PAM: variants seen among roughly 807,000 people sequenced by gnomAD.
The protein encoded by PAM is peptidyl-glycine alpha-amidating monooxygenase.
In PAM, 72 loss-of-function variants were observed where a neutral mutation model predicts 122.1. The observed-to-expected ratio is 0.59, with a 90% CI of 0.49 to 0.72. The LOEUF is 0.72. Among genes scored for constraint, PAM ranks in the 30% least tolerant of loss-of-function variants. The pLI is 0.00. For missense variants in PAM, 1,106 were observed against 1,183.7 expected (o/e 0.93, Z 0.96); for synonymous variants, 389 against 404.4 (o/e 0.96, Z 0.46).
intron 1 of PAM, among the ~76,000 whole-genome samples, chr5:102,787,621 A>G (rs1760890088): frequency 7.5e-6 from 1 of 133,004 alleles, no homozygotes. Context: ...ACAAGACCCC[A>G]GTCAGCTTCA....
At chr5:102,855,719 A>G (rs1782458080) in intron 1 of PAM, among the ~76,000 whole-genome samples, 1 of 152,066 alleles carries the variant, frequency 6.6e-6, no homozygotes, top group African/African-American at 2.4e-5. Flanking sequence ...ATCAAACAGG[A>G]AAAAAAGTCA....
In PAM at chr5:102,974,236, A is replaced by G. The variant is rs1382215819; in HGVS notation, c.1283A>G (p.Asn428Ser). 3.1e-6 allele frequency: 5 copies of G among 1,614,044 alleles called. No individual in the cohort carries two copies. The highest frequency in any genetic ancestry group is 1.1e-5 in the South Asian group (1 of 91,084). ...SESDLVAEIA[N>S]VVQKKDLGRS... is the part of the protein sequence containing the mutation. Reference sequence around the variant, plus strand: ...TCAGACCTGGTAGCTGAGATTGCAAATGTAGTCCAAAAAAAGGATCTTGGT... The same window carrying G: ...TCAGACCTGGTAGCTGAGATTGCAAGTGTAGTCCAAAAAAAGGATCTTGGT... Residue 428 changes from asparagine (N) to serine (S), a missense_variant, in exon 15 of 26, where the codon AAT becomes AGT. By Grantham distance (46) the Asn-to-Ser change is conservative. This residue lies in a region of PAM where 670 missense variants were observed against 690.3 expected (regional missense o/e 0.97). Coordinates refer to ENST00000438793, the MANE Select transcript of PAM (RefSeq NM_001177306.2).
Position 103,028,172 on chromosome 5 carries a change from C to A in PAM, c.2690-13C>A, listed in dbSNP as rs1785535729. 3 of 1,606,064 alleles carry A rather than the reference C, an allele frequency of 1.9e-6. No homozygotes were observed. Among genetic ancestry groups the A allele is most frequent in the South Asian group, 1.1e-5 (1 of 90,682 alleles). On this transcript the variant is annotated splice_polypyrimidine_tract_variant and intron_variant, in intron 24 of 25. Transcript: ENST00000438793. ...TGGGACTCATTTTGAAATGTGCCAT[C>A]TTTTTTTAGCAGATTCTGAACACAA... is the stretch of plus-strand genomic sequence containing the variant.
intron 7 of PAM, among the ~76,000 whole-genome samples, chr5:102,945,738 A>T (rs930279284): frequency 5.9e-5 from 9 of 152,010 alleles, no homozygotes; most frequent in African/African-American, 2.2e-4. Context: ...TGATTTTGAT[A>T]TTCTGAGTTC....
At chr5:102,961,136 C>T in intron 13 of PAM, 22 bp from the exon 14 acceptor site, 13 of 1,310,132 alleles carry the variant, frequency 9.9e-6, no homozygotes, top group Non-Finnish European at 1.4e-5. Context: ...AATTTATGCT[C>T]AGCTTCTTTG....
intron 1 of PAM, among the ~76,000 whole-genome samples, chr5:102,774,231 T>C (rs749986969): frequency 1.4e-4 from 21 of 152,136 alleles, no homozygotes; most frequent in Non-Finnish European, 2.4e-4. Context: ...ATATACCCAG[T>C]AACTGGATTG....
At chr5:103,001,541 A>G (rs1777383308) in intron 16 of PAM, among the ~76,000 whole-genome samples, 1 of 152,138 alleles carries the variant, frequency 6.6e-6, no homozygotes, top group African/African-American at 2.4e-5. Context: ...GAAGTTTTAG[A>G]TTGACAAAGC....
chr5:103,003,339 G>A (rs895660548), intron 17 of PAM, among the ~76,000 whole-genome samples, 190 bp downstream of exon 17: 2 of 152,114 alleles, frequency 1.3e-5, no homozygotes, highest in African/African-American at 4.8e-5. Flanking sequence ...AATCATCTGG[G>A]AAGCTTCAAA....
intron 1 of PAM, among the ~76,000 whole-genome samples, chr5:102,791,588 C>T (rs770815598): frequency 1.3e-5 from 2 of 151,978 alleles, no homozygotes; most frequent in African/African-American, 2.4e-5. Context: ...TTTGCAACTA[C>T]TTTTTCTCCA....
chr5:102,780,753 C>CTTTCTT (rs1462957361), intron 1 of PAM, among the ~76,000 whole-genome samples: 7 of 74,558 alleles, frequency 9.4e-5, no homozygotes, highest in East Asian at 4.0e-4. Context: ...TTCTTTCTTT[C>CTTTCTT]TCTTTCTTTC....
chr5:102,986,768 C>T (rs1771961309), intron 15 of PAM, among the ~76,000 whole-genome samples: 2 of 152,030 alleles, frequency 1.3e-5, no homozygotes, highest in Admixed American at 1.3e-4. Context: ...GGGTCAGTTT[C>T]CCCCATACTG....
At chr5:102,845,558 G>A (rs1779756484) in intron 1 of PAM, among the ~76,000 whole-genome samples, 1 of 152,104 alleles carries the variant, frequency 6.6e-6, no homozygotes, top group Non-Finnish European at 1.5e-5. Flanking sequence ...AAATCCGATG[G>A]CTCCATTTTC....
chr5:102,911,973 A>G (rs950252369), intron 4 of PAM, among the ~76,000 whole-genome samples: 10 of 151,830 alleles, frequency 6.6e-5, no homozygotes, highest in Non-Finnish European at 1.3e-4. Flanking sequence ...CAATTTTTGA[A>G]TGTTTCCCAA....
At chr5:103,022,201 T>A (rs1436046608) in intron 23 of PAM, among the ~76,000 whole-genome samples, 1 of 150,538 alleles carries the variant, frequency 6.6e-6, no homozygotes, top group African/African-American at 2.4e-5. Context: ...TTTTAGGCCT[T>A]ATGGTAAGCA....
At chr5:103,017,760 C>G (rs1205614596) in intron 22 of PAM, among the ~76,000 whole-genome samples, 1 of 152,116 alleles carries the variant, frequency 6.6e-6, no homozygotes, top group African/African-American at 2.4e-5. Context: ...TTCCATAAAG[C>G]CTCATTCCCC....
At chr5:103,010,709 T>C (rs1780346115) in intron 21 of PAM, among the ~76,000 whole-genome samples, 1 of 152,222 alleles carries the variant, frequency 6.6e-6, no homozygotes, top group Non-Finnish European at 1.5e-5. Flanking sequence ...ATGTTATTTT[T>C]AAGATACCAG....
At position 102,822,465 on chromosome 5, in the gene PAM, T is replaced by C. The variant is rs1448794814; in HGVS notation, c.-373-43358T>C. On this transcript the variant is annotated intron_variant, in intron 1 of 25. Coordinates refer to ENST00000438793, the MANE Select transcript of PAM (RefSeq NM_001177306.2). ...CCAGTTTACCTAACATGCACAGCTT[T>C]GGAATGTGAGAGGAAACCAGAGTAC... Among the ~76,000 whole-genome samples, 8 of 152,004 alleles carry C rather than the reference T, an allele frequency of 5.3e-5. No individual in the cohort carries two copies. In the East Asian group the frequency reaches 1.5e-3, roughly 29 times the overall value.
In PAM at chr5:102,973,678, G is replaced by C. The variant is rs571279924; in HGVS notation, c.1163-438G>C. On this transcript the variant is annotated intron_variant, in intron 14 of 25. Coordinates refer to ENST00000438793, the MANE Select transcript of PAM (RefSeq NM_001177306.2). ...AATGTATATTTCCTGCTCAAGAAATGTATATTTCATTTCTTGTGGCTTGCA... is the reference window on the plus strand; with the variant it reads ...AATGTATATTTCCTGCTCAAGAAATCTATATTTCATTTCTTGTGGCTTGCA... Among the ~76,000 whole-genome samples, 7 of 152,258 alleles carry C rather than the reference G, an allele frequency of 4.6e-5. No individual in the cohort carries two copies. The East Asian group carries it at 1.3e-3, about 29-fold the overall frequency.
chr5:103,009,870 T>C lies in PAM; in HGVS notation c.2331+4T>C, dbSNP rs746333023. On this transcript the variant is annotated splice_donor_region_variant and intron_variant, in intron 21 of 25. Transcript: ENST00000438793. ...CATCTTCAAGCCAGTGCGCAAGGTA[T>C]TTACACACATTGTCTAGGTTTCAAT... 5 of 1,425,148 alleles carry C rather than the reference T, an allele frequency of 3.5e-6. No individual in the cohort carries two copies. Among genetic ancestry groups the C allele is most frequent in the Non-Finnish European group, 3.9e-6 (4 of 1,023,174 alleles). The allele number at this position is 1,425,148 out of a possible 1,614,324, so 88.3% of individuals were successfully genotyped here.
Sources: allele counts gnomAD v4.1 joint callset (sites outside exome capture counted in the v4.1 genomes callset), GRCh38; gene constraint gnomAD v4.1.1; regional missense constraint gnomAD v4.1.1; transcripts MANE v1.5; gene names NCBI Gene and HGNC (gene_info 2026-07-23, HGNC 2026-07-21).